Variants in NEK11 observed in about 807,000 individuals in gnomAD.
NEK11 encodes the protein NIMA related kinase 11.
In NEK11, 72 loss-of-function variants were observed where a neutral mutation model predicts 80.7. That is an observed-to-expected ratio of 0.89 (90% CI 0.74 to 1.08). The LOEUF (loss-of-function observed/expected upper bound fraction) is 1.08. NEK11 is among the 50% of genes least tolerant of loss of function. NEK11 has a pLI of 0.00. For synonymous variants in NEK11, 251 were observed against 260.7 expected (o/e 0.96, Z 0.36); for missense variants, 764 against 763.6 (o/e 1.00, Z -0.01).
intron 5 of NEK11, among the ~76,000 whole-genome samples, chr3:131,122,501 A>T (rs565719281): frequency 6.6e-6 from 1 of 152,376 alleles, no homozygotes; most frequent in African/African-American, 2.4e-5. Flanking sequence ...GAAGAAAGGC[A>T]GGTGCCTCAG....
intron 16 of NEK11, among the ~76,000 whole-genome samples, chr3:131,257,846 CATT>C: frequency 6.6e-6 from 1 of 152,072 alleles, no homozygotes; most frequent in Middle Eastern, 3.4e-3. Context: ...GAAAAGAAGT[CATT>C]ATATGAAAAA....
intron 17 of NEK11, among the ~76,000 whole-genome samples, chr3:131,296,581 T>C (rs1406926441): frequency 6.6e-6 from 1 of 152,198 alleles, no homozygotes; most frequent in Non-Finnish European, 1.5e-5. Context: ...AGGAACAAAA[T>C]TCTAGGTTGG....
intron 5 of NEK11, among the ~76,000 whole-genome samples, chr3:131,122,919 G>A (rs1173607597): frequency 6.6e-6 from 1 of 152,182 alleles, no homozygotes; most frequent in Non-Finnish European, 1.5e-5. Flanking sequence ...TCACTTGGGT[G>A]TCATGAAACA....
chr3:131,161,314 C>T (rs1297412581), intron 10 of NEK11, among the ~76,000 whole-genome samples: 1 of 152,100 alleles, frequency 6.6e-6, no homozygotes, highest in African/African-American at 2.4e-5. Context: ...CCATTTGACC[C>T]AGCAATTCCA....
chr3:131,030,264 C>G (rs146060979), intron 3 of NEK11, among the ~76,000 whole-genome samples: 1 of 151,938 alleles, frequency 6.6e-6, no homozygotes, highest in Non-Finnish European at 1.5e-5. Flanking sequence ...GGAGTAATGT[C>G]CACTTTGCTC....
intron 17 of NEK11, among the ~76,000 whole-genome samples, chr3:131,294,770 T>A (rs2096576183): frequency 6.6e-6 from 1 of 152,156 alleles, no homozygotes; most frequent in African/African-American, 2.4e-5. Flanking sequence ...TTAAAGAACA[T>A]GTGTGTTAAG....
At chr3:131,225,690 G>T (rs1192173623) in intron 14 of NEK11, among the ~76,000 whole-genome samples, 2 of 152,158 alleles carry the variant, frequency 1.3e-5, no homozygotes, top group Non-Finnish European at 2.9e-5. Context: ...TTCTAAAGGA[G>T]TGTTTCTGAA....
chr3:131,229,783 G>T (rs138539218), intron 15 of NEK11, among the ~76,000 whole-genome samples: 1,732 of 152,102 alleles, frequency 0.011, 41 homozygotes, highest in African/African-American at 0.04. Context: ...ATGAGATAAA[G>T]AGGAGAAAGA....
At chr3:131,044,121 C>A (rs1425739044) in intron 3 of NEK11, among the ~76,000 whole-genome samples, 1 of 152,028 alleles carries the variant, frequency 6.6e-6, no homozygotes, top group Non-Finnish European at 1.5e-5. Flanking sequence ...AAAGGAGAAA[C>A]CGGTACCAGC....
At chr3:131,203,747 ATGTGTG>A (rs1166405831) in intron 14 of NEK11, among the ~76,000 whole-genome samples, 7 of 64,290 alleles carry the variant, frequency 1.1e-4, no homozygotes, top group African/African-American at 4.0e-4. Context: ...GTATATATAT[ATGTGTG>A]TGTGTGTGTG....
At chr3:131,241,415 T>C (rs2095517588) in intron 15 of NEK11, among the ~76,000 whole-genome samples, 1 of 152,106 alleles carries the variant, frequency 6.6e-6, no homozygotes, top group Non-Finnish European at 1.5e-5. Context: ...TAGGGAGCAA[T>C]GGTCCAGCCA....
chr3:131,072,170 G>GGTTTGACTA (rs2073478484), intron 3 of NEK11: 1 of 152,162 alleles, frequency 6.6e-6, no homozygotes, highest in African/African-American at 2.4e-5. Flanking sequence ...GAGCAATTCT[G>GGTTTGACTA]GTTTGACTAA....
At position 131,163,555 on chromosome 3, in the gene NEK11, G is replaced by A. The variant is rs536513465; in HGVS notation, c.1082+1028G>A. Among the ~76,000 whole-genome samples, 11 of 152,176 alleles carry A rather than the reference G, an allele frequency of 7.2e-5. No homozygotes were observed. In the South Asian group the frequency reaches 1.9e-3, roughly 26 times the overall value. ...TCTTAAAAAGTTAAATTCACAAAAG[G>A]GGAGAGTAGAATGGGGTTACTAGGG... On this transcript the variant is annotated intron_variant, in intron 11 of 17. Coordinates refer to ENST00000383366, the MANE Select transcript of NEK11 (RefSeq NM_024800.5).
At chr3:131,153,245 G>T (rs1191139186) in intron 9 of NEK11, among the ~76,000 whole-genome samples, 1 of 152,190 alleles carries the variant, frequency 6.6e-6, no homozygotes, top group Non-Finnish European at 1.5e-5. Context: ...CACCCTTGGA[G>T]CTCTGTTGAC....
intron 4 of NEK11, among the ~76,000 whole-genome samples, chr3:131,102,324 A>G (rs35878512): frequency 0.13 from 20,382 of 152,160 alleles, 1,668 homozygotes; most frequent in Non-Finnish European, 0.19. Flanking sequence ...CATTCTTTCA[A>G]TTCCACATTT....
chr3:131,197,534 A>C (rs2094067557), intron 14 of NEK11, among the ~76,000 whole-genome samples: 1 of 152,064 alleles, frequency 6.6e-6, no homozygotes. Flanking sequence ...TCTTTGGGAC[A>C]CTTCACAGGC....
intron 14 of NEK11, among the ~76,000 whole-genome samples, chr3:131,188,772 G>T (rs1211963282): frequency 6.6e-6 from 1 of 152,068 alleles, no homozygotes; most frequent in Admixed American, 6.6e-5. Context: ...AGACAGACTT[G>T]GTTCTGCCCT....
rs930657028 is a variant in NEK11, at chr3:131,037,418, G to A, written c.170+7540G>A. On this transcript the variant is annotated intron_variant, in intron 3 of 17. Transcript: ENST00000383366. ...CCTACCTCAGCCTCCTGCATAGCTG[G>A]GATTACAGGCACCCACCACCACGCC... 2.6e-5 allele frequency among the ~76,000 whole-genome samples: 4 copies of A among 151,844 alleles called. 1 individual carries two copies. Among genetic ancestry groups the A allele is most frequent in the Middle Eastern group, 3.2e-3 (1 of 316 alleles).
At chr3:131,281,339 T>C (rs1231878426) in intron 17 of NEK11, among the ~76,000 whole-genome samples, 1 of 152,216 alleles carries the variant, frequency 6.6e-6, no homozygotes, top group East Asian at 1.9e-4. Flanking sequence ...AATGAATCTC[T>C]CTCCTGCTGC....
Sources: gnomAD v4.1 joint callset for allele counts (sites outside exome capture counted in the v4.1 genomes callset) on GRCh38, gnomAD v4.1.1 for gene constraint, MANE v1.5 for transcripts, NCBI Gene and HGNC (gene_info 2026-07-23, HGNC 2026-07-21) for gene names.